Variants in UPK3A observed in about 807,000 individuals in gnomAD.
UPK3A encodes uroplakin-3a.
UPK3A carries 32 observed loss-of-function variants against 27.6 expected under a neutral mutation model. That is an observed-to-expected ratio of 1.16 (90% CI 0.87 to 1.55). The LOEUF (loss-of-function observed/expected upper bound fraction) is 1.55. UPK3A is among the 40% of genes most tolerant of loss of function. UPK3A has a pLI of 0.00. For missense variants in UPK3A, 370 were observed against 367.9 expected (o/e 1.01, Z -0.05); for synonymous variants, 171 against 163.9 (o/e 1.04, Z -0.33).
At chr22:45,293,364 A>G (rs775120737) in intron 5 of UPK3A, 51 bp downstream of exon 5, 1 of 1,609,920 alleles carries the variant, frequency 6.2e-7, no homozygotes, top group Non-Finnish European at 8.5e-7. Context: ...TGCCAGACAC[A>G]TTTGGCTCAC....
intron 5 of UPK3A, among the ~76,000 whole-genome samples, chr22:45,295,299 G>C (rs1411059844): frequency 6.6e-6 from 1 of 152,106 alleles, no homozygotes; most frequent in African/African-American, 2.4e-5. Flanking sequence ...AGCTCTTTGG[G>C]AACATGGGAC....
rs773406995 is a variant in UPK3A at position 45,291,902 on chromosome 22, ATGTGTGG to A, written c.572-1265_572-1259del. Among the ~76,000 whole-genome samples, 7 of 145,962 alleles carry A rather than the reference ATGTGTGG, an allele frequency of 4.8e-5. 1 individual carries two copies. Among genetic ancestry groups the A allele is most frequent in the Admixed American group, 2.7e-4 (4 of 14,760 alleles). On this transcript the variant is annotated intron_variant, in intron 4 of 5. Coordinates refer to ENST00000216211, the MANE Select transcript of UPK3A (RefSeq NM_006953.4). ...AGTGTGGCAGGGCGTGTGAGTTGGT[ATGTGTGG>A]TGTGTGGTGTGTGAGAGTGTGGCAG...
At chr22:45,294,635 T>C (rs2084183202) in intron 5 of UPK3A, among the ~76,000 whole-genome samples, 1 of 152,118 alleles carries the variant, frequency 6.6e-6, no homozygotes, top group South Asian at 2.1e-4. Context: ...CCGGGAGCAG[T>C]CAGAACACAG....
chr22:45,287,643 G>C (rs983320202), intron 3 of UPK3A, among the ~76,000 whole-genome samples, 192 bp downstream of exon 3: 5 of 152,088 alleles, frequency 3.3e-5, no homozygotes, highest in African/African-American at 4.8e-5. Context: ...TGCAACTACC[G>C]TCTTGAAATT....
intron 4 of UPK3A, among the ~76,000 whole-genome samples, chr22:45,290,783 C>T (rs765727043): frequency 6.6e-6 from 1 of 152,170 alleles, no homozygotes; most frequent in Non-Finnish European, 1.5e-5. Context: ...GCATTACTGC[C>T]TGAGCTCCGC....
intron 4 of UPK3A, among the ~76,000 whole-genome samples, chr22:45,291,084 G>A (rs779817166): frequency 2.0e-5 from 3 of 152,128 alleles, no homozygotes; most frequent in Non-Finnish European, 2.9e-5. Context: ...GAATCATCCC[G>A]AAACCACCCC....
chr22:45,292,547 A>T (rs1004739681), intron 4 of UPK3A, among the ~76,000 whole-genome samples: 1 of 152,162 alleles, frequency 6.6e-6, no homozygotes, highest in Non-Finnish European at 1.5e-5. Context: ...CCTCATCTTT[A>T]CTTGTAATCC....
chr22:45,293,415 C>T (rs558312375), intron 5 of UPK3A, 102 bp downstream of exon 5: 71 of 1,507,248 alleles, frequency 4.7e-5, no homozygotes, highest in Admixed American at 1.8e-4. Context: ...GGGGACAGCC[C>T]GGAAGGCAAG....
chr22:45,292,061 G>C (rs779173044), intron 4 of UPK3A, among the ~76,000 whole-genome samples: 1 of 152,168 alleles, frequency 6.6e-6, no homozygotes, highest in African/African-American at 2.4e-5. Context: ...TGGTTTCACC[G>C]AAACAGCCTT....
At chr22:45,288,437 A>G (rs1222599302) in intron 3 of UPK3A, among the ~76,000 whole-genome samples, 1 of 152,054 alleles carries the variant, frequency 6.6e-6, no homozygotes, top group Non-Finnish European at 1.5e-5. Context: ...TGACCTCATG[A>G]TCCGCCCGCC....
chr22:45,288,679 C>T (rs1490022123), intron 3 of UPK3A, among the ~76,000 whole-genome samples: 1 of 152,198 alleles, frequency 6.6e-6, no homozygotes, highest in Admixed American at 6.5e-5. Flanking sequence ...AAGGAGCAGG[C>T]TTGGAGTCAC....
chr22:45,285,553 G>A (rs554130326), intron 1 of UPK3A, among the ~76,000 whole-genome samples: 148 of 152,252 alleles, frequency 9.7e-4, no homozygotes, highest in African/African-American at 3.4e-3. Flanking sequence ...AGAGAGGCTG[G>A]ACTTCGTCAG....
chr22:45,289,220 A>C (rs2084142016), intron 4 of UPK3A, 77 bp downstream of exon 4: 1 of 1,464,148 alleles, frequency 6.8e-7, no homozygotes, highest in Admixed American at 1.7e-5. Context: ...GTGAGAACCA[A>C]GGCTCCTCTG....
At chr22:45,290,285 A>G (rs1033404280) in intron 4 of UPK3A, among the ~76,000 whole-genome samples, 28 of 152,216 alleles carry the variant, frequency 1.8e-4, no homozygotes, top group Non-Finnish European at 2.2e-4. Flanking sequence ...TTGGCCCCCA[A>G]GACGAGGCTG....
chr22:45,288,889 C>T (rs1445630445), intron 3 of UPK3A, among the ~76,000 whole-genome samples, 172 bp from the exon 4 acceptor site: 1 of 152,050 alleles, frequency 6.6e-6, no homozygotes, highest in Non-Finnish European at 1.5e-5. Flanking sequence ...TGGCCAAGCT[C>T]AGCACTGTCC....
At chr22:45,291,751 T>C (rs1173306736) in intron 4 of UPK3A, among the ~76,000 whole-genome samples, 1 of 144,890 alleles carries the variant, frequency 6.9e-6, no homozygotes, top group Non-Finnish European at 1.5e-5. Flanking sequence ...ACTGTGTGTG[T>C]GTGAGTTGGT....
chr22:45,287,272 G>A lies in UPK3A; in HGVS notation c.309G>A (p.Val103=). 6.2e-7 allele frequency: 1 copy of A among 1,614,166 alleles called. No individual in the cohort carries two copies. The highest frequency in any genetic ancestry group is 1.6e-4 in the Middle Eastern group (1 of 6,062). The stretch of plus-strand genomic sequence containing the variant: ...GGAGGACAGGTCCCTACAAAGCTGT[G>A]GCCTTTGACCTGATCCCCTGCAGTG... ...EGGRTGPYKA[V]AFDLIPCSDL... The change falls in exon 3 of 6, where the codon GTG becomes GTA. Residue 103 remains valine (V), a synonymous_variant. Coordinates refer to ENST00000216211, the MANE Select transcript of UPK3A (RefSeq NM_006953.4).
chr22:45,295,693 G>A lies in UPK3A; in HGVS notation c.838G>A (p.Val280Met), dbSNP rs1260296638. The part of the protein sequence containing the change: ...NRGPPLDRAE[V>M]YSSKLQD ...GGGGCCGCCACTGGACAGGGCTGAGGTGTATTCCAGCAAGCTCCAAGACTG... is the reference window on the plus strand; with the variant it reads ...GGGGCCGCCACTGGACAGGGCTGAGATGTATTCCAGCAAGCTCCAAGACTG... The change falls in exon 6 of 6, where the codon GTG becomes ATG. Residue 280 changes from valine (V) to methionine (M), a missense_variant. Transcript: ENST00000216211. 1.2e-6 allele frequency: 2 copies of A among 1,613,970 alleles called. No homozygotes were observed. The highest frequency in any genetic ancestry group is 2.2e-5 in the East Asian group (1 of 44,842).
rs138410602 is a variant in UPK3A, at chr22:45,293,153, G to A, written c.572-28G>A. 3.7e-4 allele frequency: 592 copies of A among 1,612,440 alleles called. 3 individuals are homozygous for A. In the African/African-American group the frequency reaches 6.9e-3, roughly 19 times the overall value. Reference sequence around the variant, plus strand: ...AGGGTGAGGGTGGTGCGGTGTCTGGGAAGTAACCGGGCTGCATCCCACCAC... The same window carrying A: ...AGGGTGAGGGTGGTGCGGTGTCTGGAAAGTAACCGGGCTGCATCCCACCAC... On this transcript the variant is annotated intron_variant, in intron 4 of 5. Transcript: ENST00000216211.
Sources: gnomAD v4.1 joint callset for allele counts (sites outside exome capture counted in the v4.1 genomes callset) on GRCh38, gnomAD v4.1.1 for gene constraint, MANE v1.5 for transcripts, NCBI Gene and HGNC (gene_info 2026-07-23, HGNC 2026-07-21) for gene names.